The following KIAA0319 variants were observed in gnomAD, a reference collection of about 807,000 sequenced individuals.
KIAA0319 encodes the protein dyslexia-associated protein KIAA0319.
A neutral mutation model predicts 108.4 loss-of-function variants in KIAA0319; 83 were observed. The observed-to-expected ratio is 0.77, with a 90% CI of 0.64 to 0.92. KIAA0319 has a LOEUF of 0.92. Ranked by LOEUF, KIAA0319 falls within the 40% of genes least tolerant of loss-of-function variation. KIAA0319 has a pLI of 0.00. For synonymous variants in KIAA0319, 484 were observed against 510.4 expected (o/e 0.95, Z 0.70); for missense variants, 1,195 against 1,322.4 (o/e 0.90, Z 1.49).
chr6:24,595,928 T>G lies in KIAA0319; in HGVS notation c.746A>C (p.Glu249Ala). ...CTGGAGCTGAGAAGCCTTTTCTTTC[T>G]CCAACACCTCTCCTGAAGATGGAGT... ...PTTPSSGEVL[E>A]KEKASQLQEQ... is the part of the protein sequence containing the mutation. The change falls in exon 3 of 21, where the codon GAG becomes GCG. Residue 249 changes from glutamate (E) to alanine (A), a missense_variant. By Grantham distance (107) the Glu-to-Ala change is moderately radical. Transcript: ENST00000378214. The G allele has an allele frequency of 6.2e-7, 1 of 1,613,728 alleles. No individual in the cohort carries two copies. Among genetic ancestry groups the G allele is most frequent in the Non-Finnish European group, 8.5e-7 (1 of 1,179,822 alleles).
chr6:24,588,560 A>G (rs772791385), intron 4 of KIAA0319, 33 bp downstream of exon 4: 1 of 1,572,460 alleles, frequency 6.4e-7, no homozygotes, highest in South Asian at 1.1e-5. Context: ...TGTCTTCAGT[A>G]CATTTCTTGA....
chr6:24,638,909 A>C (rs867476045), intron 1 of KIAA0319, among the ~76,000 whole-genome samples: 2 of 152,154 alleles, frequency 1.3e-5, no homozygotes, highest in African/African-American at 4.8e-5. Flanking sequence ...TAGATCTTAA[A>C]TATTCCTATC....
In KIAA0319 at chr6:24,576,373, T is replaced by G. The variant is rs150824948; in HGVS notation, c.1729A>C (p.Met577Leu). Residue 577 changes from methionine (M) to leucine (L), a missense_variant, in exon 10 of 21, where the codon ATG (methionine) becomes CTG (leucine). Met to Leu is a conservative substitution (Grantham distance 15). Transcript: ENST00000378214. ...GPGSEGKHVV[M>L]QGVQTPYLHL... ...AGGCAGGATGGAGAACTTGCCTGCA[T>G]GACCACATGTTTGCCCTCACTCCCA... 2.9e-5 allele frequency: 46 copies of G among 1,613,720 alleles called. No homozygotes were observed. Among genetic ancestry groups the G allele is most frequent in the Non-Finnish European group, 3.6e-5 (43 of 1,179,728 alleles).
At chr6:24,598,578 C>A in intron 2 of KIAA0319, 1 of 393,886 alleles carries the variant, frequency 2.5e-6, no homozygotes, top group South Asian at 2.1e-5. Flanking sequence ...AGGACAAGAT[C>A]AATAATTTTA....
intron 3 of KIAA0319, among the ~76,000 whole-genome samples, chr6:24,593,553 G>A (rs1768876100): frequency 6.6e-6 from 1 of 151,402 alleles, no homozygotes; most frequent in African/African-American, 2.4e-5. Flanking sequence ...GGCACATACC[G>A]CCACGCCTGG....
At chr6:24,563,583 C>A (rs1406148492) in intron 15 of KIAA0319, 65 bp from the exon 16 acceptor site, 15 of 1,474,800 alleles carry the variant, frequency 1.0e-5, no homozygotes, top group South Asian at 1.4e-5. Context: ...GCATAAGGAG[C>A]GAGGTTTCTA....
At chr6:24,594,191 T>A in intron 3 of KIAA0319, among the ~76,000 whole-genome samples, 2 of 85,266 alleles carry the variant, frequency 2.3e-5, no homozygotes, top group Non-Finnish European at 2.0e-5. Context: ...AGAGTGAGAC[T>A]CTGTCTCAAA....
intron 16 of KIAA0319, among the ~76,000 whole-genome samples, chr6:24,560,113 C>T (rs62400523): frequency 0.011 from 1,741 of 152,278 alleles, 18 homozygotes; most frequent in Non-Finnish European, 0.019. Flanking sequence ...AGCTGGTGGA[C>T]ACTTGAGTTG....
At chr6:24,553,792 G>T (rs1030982121) in intron 19 of KIAA0319, among the ~76,000 whole-genome samples, 1 of 152,188 alleles carries the variant, frequency 6.6e-6, no homozygotes, top group Non-Finnish European at 1.5e-5. Context: ...AGGGTTCAGG[G>T]AGCTTCTGGA....
intron 2 of KIAA0319, 145 bp downstream of exon 2, chr6:24,600,903 AG>A: frequency 9.5e-7 from 1 of 1,048,678 alleles, no homozygotes; most frequent in Admixed American, 2.0e-5. Context: ...CTCATGCATG[AG>A]GTCTGCCTTT....
chr6:24,641,456 G>A (rs1776889258), intron 1 of KIAA0319, among the ~76,000 whole-genome samples: 1 of 152,160 alleles, frequency 6.6e-6, no homozygotes, highest in African/African-American at 2.4e-5. Flanking sequence ...TCAAACAGGT[G>A]GAAGAAGTCT....
intron 1 of KIAA0319, among the ~76,000 whole-genome samples, chr6:24,642,214 G>A (rs1777037894): frequency 1.4e-5 from 2 of 143,638 alleles, no homozygotes; most frequent in Non-Finnish European, 1.5e-5. Context: ...AAGAAGGAAA[G>A]GAAGGAAGGA....
intron 5 of KIAA0319, chr6:24,583,045 T>G: frequency 3.0e-6 from 3 of 983,790 alleles, no homozygotes; most frequent in Non-Finnish European, 3.6e-6. Flanking sequence ...GTCAAACACC[T>G]TAAGAATGAG....
chr6:24,589,410 A>G lies in KIAA0319; in HGVS notation c.802-625T>C, dbSNP rs562004291. Reference sequence around the variant, plus strand: ...GTCTGTTGTTTAAGCCACCCAGTTCATGGCTGATATGGCTAGGCTTTGTGC... The same window carrying G: ...GTCTGTTGTTTAAGCCACCCAGTTCGTGGCTGATATGGCTAGGCTTTGTGC... On this transcript the variant is annotated intron_variant, in intron 3 of 20. Coordinates refer to ENST00000378214, the MANE Select transcript of KIAA0319 (RefSeq NM_014809.4). 8.5e-5 allele frequency among the ~76,000 whole-genome samples: 13 copies of G among 152,320 alleles called. No individual in the cohort carries two copies. The East Asian group carries it at 2.3e-3, about 27-fold the overall frequency.
At chr6:24,597,007 C>T (rs2127525365) in intron 2 of KIAA0319, among the ~76,000 whole-genome samples, 1 of 152,162 alleles carries the variant, frequency 6.6e-6, no homozygotes, top group South Asian at 2.1e-4. Context: ...TTCTATTCTT[C>T]TACCTTTCCA....
rs71544276 is a variant in KIAA0319, at chr6:24,553,294, T to TACAC, written c.2948+1243_2948+1246dup. Among the ~76,000 whole-genome samples the TACAC allele has an allele frequency of 1.4e-3, 126 of 91,070 alleles. 2 individuals are homozygous for TACAC. The South Asian group carries it at 0.017, about 12-fold the overall frequency. 59.7% of individuals were successfully genotyped at this position (91,070 alleles called of 152,430 possible). On this transcript the variant is annotated intron_variant, in intron 19 of 20. Coordinates refer to ENST00000378214, the MANE Select transcript of KIAA0319 (RefSeq NM_014809.4). ...AGATAGATATATATATATATATATATACACACACACACACACACACACACA... is the reference window on the plus strand; with the variant it reads ...AGATAGATATATATATATATATATATACACACACACACACACACACACACACACA...
Position 24,549,248 on chromosome 6 carries a change from C to G in KIAA0319, c.3041-1905G>C, listed in dbSNP as rs1761080662. On this transcript the variant is annotated intron_variant, in intron 20 of 20. Coordinates refer to ENST00000378214, the MANE Select transcript of KIAA0319 (RefSeq NM_014809.4). ...GGCTAAGGCATGAGAATTGCTTGAA[C>G]CTGGGAGGCAGAGGTTGCAGTGAGC... 2.0e-5 allele frequency among the ~76,000 whole-genome samples: 3 copies of G among 148,098 alleles called. No homozygotes were observed. In the South Asian group the frequency reaches 6.4e-4, roughly 32 times the overall value.
At chr6:24,624,017 CTTTTT>C (rs536970883) in intron 1 of KIAA0319, among the ~76,000 whole-genome samples, 2 of 50,538 alleles carry the variant, frequency 4.0e-5, no homozygotes, top group African/African-American at 9.6e-5. Context: ...TCTTTGTTTT[CTTTTT>C]TTTTTTTTTT....
At chr6:24,585,027 T>C (rs1387295452) in intron 4 of KIAA0319, among the ~76,000 whole-genome samples, 2 of 152,164 alleles carry the variant, frequency 1.3e-5, no homozygotes, top group East Asian at 3.9e-4. Flanking sequence ...ATCTCCAAAA[T>C]ACATGGCCCA....
Sources: gnomAD v4.1 joint callset for allele counts (sites outside exome capture counted in the v4.1 genomes callset) on GRCh38, gnomAD v4.1.1 for gene constraint, MANE v1.5 for transcripts, NCBI Gene and HGNC (gene_info 2026-07-23, HGNC 2026-07-21) for gene names.